The following UBE2G1 variants were observed in gnomAD, a reference collection of about 807,000 sequenced individuals.
UBE2G1 encodes ubiquitin-conjugating enzyme E2 G1.
Under a neutral mutation model 22.7 loss-of-function variants are expected in UBE2G1, and 5 were observed. That is an observed-to-expected ratio of 0.22 (90% confidence interval 0.12 to 0.46). The LOEUF (loss-of-function observed/expected upper bound fraction) is 0.46, where lower values mean the gene tolerates loss of function less well. Among genes scored for constraint, UBE2G1 ranks in the 20% least tolerant of loss-of-function variants. The pLI is 0.99. For missense variants in UBE2G1, 88 were observed against 203.9 expected (o/e 0.43, Z 3.46); for synonymous variants, 74 against 67.5 (o/e 1.10, Z -0.47).
intron 1 of UBE2G1, among the ~76,000 whole-genome samples, chr17:4,365,404 G>C (rs1202471875): frequency 2.6e-5 from 4 of 152,238 alleles, no homozygotes; most frequent in Non-Finnish European, 4.4e-5. Context: ...CCCCTAAAAA[G>C]TCAACCTGGA....
chr17:4,305,522 T>A (rs1969239563), intron 2 of UBE2G1, among the ~76,000 whole-genome samples: 1 of 152,194 alleles, frequency 6.6e-6, no homozygotes, highest in South Asian at 2.1e-4. Context: ...CTTTTAAAAA[T>A]GTACACCAAA....
intron 1 of UBE2G1, among the ~76,000 whole-genome samples, chr17:4,319,884 G>A (rs533075816): frequency 2.9e-4 from 44 of 152,172 alleles, no homozygotes; most frequent in African/African-American, 8.9e-4. Context: ...ACAGAAAAAC[G>A]CAGGTGAAAG....
At chr17:4,298,441 T>C (rs976702085) in intron 2 of UBE2G1, among the ~76,000 whole-genome samples, 8 of 152,222 alleles carry the variant, frequency 5.3e-5, no homozygotes, top group Non-Finnish European at 8.8e-5. Context: ...TGTTACGAGA[T>C]CTTTTACTCT....
At chr17:4,277,963 T>TGCCTCTGCCTCCTGCA (rs1968840864) in intron 5 of UBE2G1, among the ~76,000 whole-genome samples, 1 of 152,038 alleles carries the variant, frequency 6.6e-6, no homozygotes, top group Non-Finnish European at 1.5e-5. Context: ...CTTGGCTCAC[T>TGCCTCTGCCTCCTGCA]GCCTCTGCCT....
chr17:4,288,615 C>T (rs1598181330), intron 4 of UBE2G1, among the ~76,000 whole-genome samples: 2 of 152,098 alleles, frequency 1.3e-5, no homozygotes, highest in South Asian at 2.1e-4. Flanking sequence ...TTCACAGTTA[C>T]GACAAGCCAT....
intron 1 of UBE2G1, among the ~76,000 whole-genome samples, chr17:4,346,004 G>T (rs1190578352): frequency 6.6e-6 from 1 of 152,034 alleles, no homozygotes; most frequent in African/African-American, 2.4e-5. Context: ...TTTTACCTTG[G>T]GATTACTAAT....
chr17:4,353,924 T>A (rs1969875937), intron 1 of UBE2G1, among the ~76,000 whole-genome samples: 1 of 150,424 alleles, frequency 6.6e-6, no homozygotes, highest in South Asian at 2.1e-4. Flanking sequence ...TTCAAGAGAT[T>A]CTCCTGCCTT....
chr17:4,273,491 C>A (rs1968784073), intron 5 of UBE2G1, among the ~76,000 whole-genome samples: 1 of 152,092 alleles, frequency 6.6e-6, no homozygotes, highest in Non-Finnish European at 1.5e-5. Context: ...CAGGCACACA[C>A]CACCATGCCC....
At chr17:4,352,435 T>C (rs1459764281) in intron 1 of UBE2G1, among the ~76,000 whole-genome samples, 1 of 152,184 alleles carries the variant, frequency 6.6e-6, no homozygotes, top group Admixed American at 6.5e-5. Flanking sequence ...TAATGAAGTC[T>C]AGCTGTCTTG....
At chr17:4,301,432 T>C (rs1009265368) in intron 2 of UBE2G1, 13 of 677,418 alleles carry the variant, frequency 1.9e-5, no homozygotes, top group Non-Finnish European at 3.6e-5. Flanking sequence ...ATGCTGTTAT[T>C]GATGTGTTTC....
chr17:4,332,261 T>G (rs1400772351), intron 1 of UBE2G1, among the ~76,000 whole-genome samples: 2 of 151,950 alleles, frequency 1.3e-5, no homozygotes, highest in Admixed American at 6.6e-5. Context: ...TTTGGCAGTG[T>G]TTTTCAACCG....
At chr17:4,293,748 A>G (rs1467342849) in intron 3 of UBE2G1, among the ~76,000 whole-genome samples, 1 of 152,182 alleles carries the variant, frequency 6.6e-6, no homozygotes, top group Non-Finnish European at 1.5e-5. Context: ...TTTTCACTCT[A>G]TAATTATTTT....
At chr17:4,327,555 C>T (rs545841366) in intron 1 of UBE2G1, among the ~76,000 whole-genome samples, 1 of 152,076 alleles carries the variant, frequency 6.6e-6, no homozygotes, top group South Asian at 2.1e-4. Context: ...GCCAGGGGCT[C>T]AGGATAAAGA....
chr17:4,283,013 G>T, intron 4 of UBE2G1, 92 bp from the exon 5 acceptor site: 1 of 1,098,944 alleles, frequency 9.1e-7, no homozygotes, highest in Non-Finnish European at 1.3e-6. Context: ...TAATCCCTTG[G>T]TGATTTGTAC....
intron 2 of UBE2G1, chr17:4,302,144 C>T (rs1969189595): frequency 1.9e-6 from 1 of 521,320 alleles, no homozygotes; most frequent in Admixed American, 2.0e-5. Context: ...TTGCCATGTT[C>T]CCTTTTATTG....
intron 2 of UBE2G1, among the ~76,000 whole-genome samples, chr17:4,300,779 A>T (rs1300546749): frequency 6.6e-6 from 1 of 151,550 alleles, no homozygotes; most frequent in Non-Finnish European, 1.5e-5. Context: ...CATGGCCGAG[A>T]TGGTGAAATC....
At chr17:4,274,776 G>C (rs980051582) in intron 5 of UBE2G1, among the ~76,000 whole-genome samples, 2 of 152,176 alleles carry the variant, frequency 1.3e-5, no homozygotes, top group Admixed American at 6.5e-5. Flanking sequence ...GAGATGGCCA[G>C]GCACAGTGGC....
chr17:4,294,415 CAAAAAAAAAAAAAA>C (rs68047533), intron 3 of UBE2G1, among the ~76,000 whole-genome samples: 17 of 117,164 alleles, frequency 1.5e-4, no homozygotes, highest in East Asian at 8.4e-4. Flanking sequence ...GACTCCGTCT[CAAAAAAAAAAAAAA>C]AAAAAAAAAA....
intron 1 of UBE2G1, among the ~76,000 whole-genome samples, chr17:4,337,212 G>C (rs996940856): frequency 2.0e-5 from 3 of 151,806 alleles, no homozygotes; most frequent in Admixed American, 6.6e-5. Flanking sequence ...ATCCTGGCGC[G>C]TGCCTGAAGT....
Sources: gnomAD v4.1 joint callset for allele counts (sites outside exome capture counted in the v4.1 genomes callset) on GRCh38, gnomAD v4.1.1 for gene constraint, MANE v1.5 for transcripts, NCBI Gene and HGNC (gene_info 2026-07-23, HGNC 2026-07-21) for gene names.